DLG2: variants seen among roughly 807,000 people sequenced by gnomAD.
DLG2 encodes discs large MAGUK scaffold protein 2.
In DLG2, 45 loss-of-function variants were observed where a neutral mutation model predicts 132.5. That is an observed-to-expected ratio of 0.34 (90% CI 0.27 to 0.44). The LOEUF (loss-of-function observed/expected upper bound fraction) is 0.44. Ranked by LOEUF, DLG2 falls within the 20% of genes least tolerant of loss-of-function variation. The pLI is 1.00. For missense variants in DLG2, 1,045 were observed against 1,196.9 expected, an observed-to-expected ratio of 0.87 and a Z score of 1.87; for synonymous variants, 424 against 419.6, an observed-to-expected ratio of 1.01 and a Z score of -0.13.
intron 11 of DLG2, among the ~76,000 whole-genome samples, chr11:83,985,851 A>G (rs868347170): frequency 2.7e-4 from 41 of 152,202 alleles, no homozygotes; most frequent in Middle Eastern, 3.4e-3. Flanking sequence ...AGAATGATAT[A>G]TATTCCTTTG....
intron 8 of DLG2, among the ~76,000 whole-genome samples, chr11:84,202,399 A>C (rs1482078962): frequency 6.6e-6 from 1 of 152,214 alleles, no homozygotes; most frequent in Non-Finnish European, 1.5e-5. Flanking sequence ...TGGTTCTGGG[A>C]GAACTGGCTA....
At chr11:84,575,343 G>A (rs2099496820) in intron 6 of DLG2, among the ~76,000 whole-genome samples, 1 of 151,814 alleles carries the variant, frequency 6.6e-6, no homozygotes, top group Middle Eastern at 3.2e-3. Context: ...CCCCCATGGA[G>A]CATTCACACA....
At chr11:83,730,478 A>G (rs2090815161) in intron 18 of DLG2, among the ~76,000 whole-genome samples, 1 of 152,146 alleles carries the variant, frequency 6.6e-6, no homozygotes, top group Non-Finnish European at 1.5e-5. Context: ...GATGTGGGAA[A>G]ACTCTCTGCC....
At chr11:84,529,000 G>C (rs373989543) in intron 7 of DLG2, among the ~76,000 whole-genome samples, 1 of 152,188 alleles carries the variant, frequency 6.6e-6, no homozygotes, top group African/African-American at 2.4e-5. Context: ...TAGGTTGGTA[G>C]CCTGAAATCA....
intron 7 of DLG2, among the ~76,000 whole-genome samples, chr11:84,491,755 T>C (rs983690566): frequency 6.6e-6 from 1 of 152,176 alleles, no homozygotes; most frequent in Non-Finnish European, 1.5e-5. Flanking sequence ...TCAAGTTCCA[T>C]GGTTTTTAAA....
chr11:85,422,998 T>C (rs576541156), intron 3 of DLG2, among the ~76,000 whole-genome samples: 1 of 152,264 alleles, frequency 6.6e-6, no homozygotes, highest in South Asian at 2.1e-4. Flanking sequence ...TGTGATTTCT[T>C]GGAGGTGTTA....
intron 5 of DLG2, among the ~76,000 whole-genome samples, chr11:85,149,826 A>G (rs1309152550): frequency 2.6e-5 from 4 of 152,062 alleles, no homozygotes; most frequent in Non-Finnish European, 5.9e-5. Flanking sequence ...GAGGTGGTAT[A>G]TATCCTACAA....
chr11:85,353,424 G>A (rs938638745), intron 3 of DLG2, among the ~76,000 whole-genome samples: 8 of 152,216 alleles, frequency 5.3e-5, no homozygotes, highest in Admixed American at 4.6e-4. Flanking sequence ...GTGGAGGACA[G>A]TGTGGCAATT....
intron 8 of DLG2, among the ~76,000 whole-genome samples, chr11:84,200,833 TAA>T (rs1360793494): frequency 3.9e-5 from 6 of 152,202 alleles, no homozygotes; most frequent in Non-Finnish European, 7.4e-5. Context: ...CTTATCAGCT[TAA>T]GAAGCTTTAA....
intron 6 of DLG2, among the ~76,000 whole-genome samples, chr11:84,833,063 T>C (rs536190678): frequency 2.0e-5 from 2 of 101,410 alleles, no homozygotes; most frequent in South Asian, 3.4e-4. Flanking sequence ...AAATGAACTA[T>C]AGAAAAATTT....
chr11:85,299,118 A>G (rs2079426908), intron 3 of DLG2, among the ~76,000 whole-genome samples: 1 of 152,194 alleles, frequency 6.6e-6, no homozygotes, highest in Admixed American at 6.5e-5. Context: ...AACATACCAT[A>G]GCAAGTTGAG....
chr11:83,733,958 T>C (rs1474522001), intron 18 of DLG2, among the ~76,000 whole-genome samples: 1 of 147,398 alleles, frequency 6.8e-6, no homozygotes, highest in Admixed American at 6.7e-5. Flanking sequence ...TGTCTACTAT[T>C]CCACTCTGTA....
chr11:85,296,467 CT>C (rs66526147), intron 3 of DLG2, among the ~76,000 whole-genome samples: 76,637 of 121,518 alleles, frequency 0.63, 23,766 homozygotes, highest in Middle Eastern at 0.71. Context: ...TTTCGATTTT[CT>C]TTTTTTTTTT....
At chr11:85,592,890 T>G (rs1245196960) in intron 3 of DLG2, among the ~76,000 whole-genome samples, 2 of 150,714 alleles carry the variant, frequency 1.3e-5, no homozygotes, top group East Asian at 3.9e-4. Context: ...AAAGCAGAGG[T>G]TGCAGTGAGC....
intron 3 of DLG2, among the ~76,000 whole-genome samples, chr11:85,349,629 T>C (rs2152876523): frequency 6.6e-6 from 1 of 152,232 alleles, no homozygotes; most frequent in South Asian, 2.1e-4. Context: ...ATCTCATTGT[T>C]CAATTCCCAC....
chr11:85,532,654 C>T (rs1229445167), intron 3 of DLG2, among the ~76,000 whole-genome samples: 1 of 152,206 alleles, frequency 6.6e-6, no homozygotes, highest in African/African-American at 2.4e-5. Flanking sequence ...TCATATGTCA[C>T]ATCCTTTCTT....
chr11:84,326,167 T>C (rs1306820159), intron 7 of DLG2, among the ~76,000 whole-genome samples: 4 of 152,170 alleles, frequency 2.6e-5, no homozygotes, highest in South Asian at 2.1e-4. Context: ...TTTACCAATT[T>C]TGTTGATGTT....
chr11:84,314,621 T>A (rs1268702444), intron 7 of DLG2, among the ~76,000 whole-genome samples: 2 of 152,062 alleles, frequency 1.3e-5, no homozygotes, highest in East Asian at 3.9e-4. Flanking sequence ...ATGGATAGAA[T>A]GCAGCATTCT....
chr11:84,591,882 C>G (rs554045279), intron 6 of DLG2, among the ~76,000 whole-genome samples: 1 of 152,140 alleles, frequency 6.6e-6, no homozygotes, highest in African/African-American at 2.4e-5. Context: ...TGGAGACAGT[C>G]TTGCTCTGTC....
Sources: gnomAD v4.1 joint callset for allele counts (sites outside exome capture counted in the v4.1 genomes callset) on GRCh38, gnomAD v4.1.1 for gene constraint, MANE v1.5 for transcripts, NCBI Gene and HGNC (gene_info 2026-07-23, HGNC 2026-07-21) for gene names.